Variants in DCAF10 observed in about 807,000 individuals in gnomAD.
The protein encoded by DCAF10 is DDB1 and CUL4 associated factor 10, also known as DDB1- and CUL4-associated factor 10.
Under a neutral mutation model 51.9 loss-of-function variants are expected in DCAF10, and 19 were observed. That is an observed-to-expected ratio of 0.37 (90% CI 0.26 to 0.54). DCAF10 has a LOEUF of 0.54. DCAF10 is among the 20% of genes least tolerant of loss of function. DCAF10 has a pLI of 0.87. For synonymous variants in DCAF10, 291 were observed against 297.1 expected (o/e 0.98, Z 0.21); for missense variants, 510 against 730.6 (o/e 0.70, Z 3.48).
At chr9:37,841,219 G>T (rs932242946) in intron 2 of DCAF10, among the ~76,000 whole-genome samples, 1 of 152,184 alleles carries the variant, frequency 6.6e-6, no homozygotes, top group Non-Finnish European at 1.5e-5. Flanking sequence ...TTTGAAAACC[G>T]TGATCAATTT....
intron 2 of DCAF10, among the ~76,000 whole-genome samples, chr9:37,833,922 T>C (rs1366584385): frequency 6.6e-6 from 1 of 152,162 alleles, no homozygotes; most frequent in Non-Finnish European, 1.5e-5. Flanking sequence ...TATTCTACAA[T>C]TTTTTTCTCT....
At chr9:37,844,600 G>A (rs938121922) in intron 3 of DCAF10, among the ~76,000 whole-genome samples, 22 of 152,136 alleles carry the variant, frequency 1.4e-4, no homozygotes, top group African/African-American at 4.6e-4. Context: ...GCCGTGAGCC[G>A]AGGTTGTGCC....
intron 4 of DCAF10, among the ~76,000 whole-genome samples, chr9:37,855,465 C>T (rs1830819203): frequency 6.6e-6 from 1 of 152,196 alleles, no homozygotes; most frequent in South Asian, 2.1e-4. Flanking sequence ...CGCTCTTTTG[C>T]TAAAACTCTG....
At chr9:37,860,330 C>A in intron 6 of DCAF10, 137 bp downstream of exon 6, 1 of 1,106,954 alleles carries the variant, frequency 9.0e-7, no homozygotes, top group Non-Finnish European at 1.3e-6. Context: ...CTTCTCGACT[C>A]TCCTGTTTCT....
intron 2 of DCAF10, among the ~76,000 whole-genome samples, chr9:37,827,531 A>AAT (rs953755198): frequency 3.1e-4 from 47 of 151,832 alleles, no homozygotes; most frequent in Non-Finnish European, 4.6e-4. Flanking sequence ...GATAAAATGT[A>AAT]ATATATATAT....
At chr9:37,854,678 C>T in intron 3 of DCAF10, 102 bp from the exon 4 acceptor site, 6 of 1,093,928 alleles carry the variant, frequency 5.5e-6, no homozygotes, top group Admixed American at 2.3e-5. Context: ...AAGCTCTTCT[C>T]ATCCTCCCTA....
rs566279059 is a variant in DCAF10, at chr9:37,866,820, C to T, written c.*5312C>T. The T allele has an allele frequency of 6.6e-6, 1 of 152,554 alleles. No homozygotes were observed. The highest frequency in any genetic ancestry group is 1.9e-4 in the East Asian group (1 of 5,178). The allele number at this position is 152,554 out of a possible 1,614,324, so 9.5% of individuals were successfully genotyped here. Reference sequence around the variant, plus strand: ...GACTAAGGAATAAACAGCAAGGTACCAAAGTACAGCAAAGCAACAACAAAG... The same window carrying T: ...GACTAAGGAATAAACAGCAAGGTACTAAAGTACAGCAAAGCAACAACAAAG... On this transcript the variant is annotated 3_prime_UTR_variant, in exon 7 of 7. Coordinates refer to ENST00000377724, the MANE Select transcript of DCAF10 (RefSeq NM_024345.5).
intron 2 of DCAF10, chr9:37,836,146 T>C: frequency 7.3e-7 from 1 of 1,372,892 alleles, no homozygotes; most frequent in Non-Finnish European, 1.0e-6. Context: ...ATAGAGCGAT[T>C]TACTCTTCTC....
At chr9:37,836,057 G>A (rs1231644247) in intron 2 of DCAF10, 3 of 1,123,322 alleles carry the variant, frequency 2.7e-6, no homozygotes, top group Non-Finnish European at 4.1e-6. Context: ...AGGCTGTATT[G>A]GACAGTTATG....
At position 37,800,847 on chromosome 9, in the gene DCAF10, GGGGGGC is replaced by G. The variant is rs1251161849; in HGVS notation, c.-12_-7del. The G allele has an allele frequency of 2.0e-6, 3 of 1,484,744 alleles. No individual in the cohort carries two copies. The highest frequency in any genetic ancestry group is 1.8e-6 in the Non-Finnish European group (2 of 1,124,362). The allele number at this position is 1,484,744 out of a possible 1,614,324, so 92.0% of individuals were successfully genotyped here. A position where few individuals can be genotyped will look rare whatever the true frequency, so the allele number is the denominator to read the frequency against. On this transcript the variant is annotated 5_prime_UTR_variant, in exon 1 of 7. Transcript: ENST00000377724. ...GGCCGGCGGGGCAGTGGCCCGGAGCGGGGGGCGGGGGCGTTGATCATGTTTCCCTTT... is the reference window on the plus strand; with the variant it reads ...GGCCGGCGGGGCAGTGGCCCGGAGCGGGGGGCGTTGATCATGTTTCCCTTT...
At position 37,822,354 on chromosome 9, in the gene DCAF10, G is replaced by A. The variant is rs867315352; in HGVS notation, c.653+2953G>A. Among the ~76,000 whole-genome samples, 10 of 149,322 alleles carry A rather than the reference G, an allele frequency of 6.7e-5. No homozygotes were observed. In the South Asian group the frequency reaches 1.1e-3, roughly 16 times the overall value. On this transcript the variant is annotated intron_variant, in intron 2 of 6. Transcript: ENST00000377724. ...CAGCACAATTCACAATAGCCAAATC[G>A]TGGAACCAACCCAAATGCCCATTAA...
chr9:37,860,586 TAA>T (rs1830986109), intron 6 of DCAF10: 1 of 178,314 alleles, frequency 5.6e-6, no homozygotes, highest in African/African-American at 2.4e-5. Context: ...GAGATTTTAC[TAA>T]GCCAATTGAG....
intron 2 of DCAF10, among the ~76,000 whole-genome samples, chr9:37,832,415 G>A (rs150780216): frequency 0.027 from 4,041 of 151,518 alleles, 78 homozygotes; most frequent in South Asian, 0.067. Context: ...CCGAGATCAC[G>A]CCATTGCATG....
chr9:37,842,329 T>G (rs768232318), intron 3 of DCAF10, 43 bp downstream of exon 3: 1 of 1,531,764 alleles, frequency 6.5e-7, no homozygotes, highest in East Asian at 2.3e-5. Context: ...AACAAAAACA[T>G]TTTTTTTAAA....
chr9:37,827,668 A>C (rs1202474800), intron 2 of DCAF10, among the ~76,000 whole-genome samples: 1 of 152,208 alleles, frequency 6.6e-6, no homozygotes, highest in Non-Finnish European at 1.5e-5. Context: ...GCTTCTGCCA[A>C]GTGCTGGTGA....
chr9:37,821,399 C>G (rs918558170), intron 2 of DCAF10, among the ~76,000 whole-genome samples: 1 of 152,084 alleles, frequency 6.6e-6, no homozygotes, highest in Non-Finnish European at 1.5e-5. Context: ...AGAGATTGAA[C>G]AAGAAGAAGT....
intron 1 of DCAF10, among the ~76,000 whole-genome samples, chr9:37,805,657 A>G (rs1278745177): frequency 6.6e-6 from 1 of 152,208 alleles, no homozygotes; most frequent in Non-Finnish European, 1.5e-5. Flanking sequence ...AATGAGAAAA[A>G]AATTCCAAAA....
intron 3 of DCAF10, among the ~76,000 whole-genome samples, chr9:37,850,016 A>G (rs536815826): frequency 1.2e-4 from 18 of 152,312 alleles, no homozygotes; most frequent in African/African-American, 4.3e-4. Context: ...CCATGATTGC[A>G]CCACTGCACT....
At chr9:37,806,121 T>C (rs930781433) in intron 1 of DCAF10, among the ~76,000 whole-genome samples, 2 of 152,136 alleles carry the variant, frequency 1.3e-5, no homozygotes, top group Non-Finnish European at 2.9e-5. Flanking sequence ...AAAAGAACAG[T>C]ACCTCTTAAA....
Sources: allele counts gnomAD v4.1 joint callset (sites outside exome capture counted in the v4.1 genomes callset), GRCh38; gene constraint gnomAD v4.1.1; transcripts MANE v1.5; gene names NCBI Gene and HGNC (gene_info 2026-07-23, HGNC 2026-07-21).